The following CACNB4 variants were observed in gnomAD, a reference collection of about 807,000 sequenced individuals.
CACNB4 encodes the protein calcium voltage-gated channel auxiliary subunit beta 4, also known as voltage-dependent L-type calcium channel subunit beta-4.
In CACNB4, 32 loss-of-function variants were observed where a neutral mutation model predicts 71.2. The ratio of observed to expected loss-of-function variants is 0.45; its 90% CI spans 0.34 to 0.60. The LOEUF is 0.60. CACNB4 is among the 20% of genes least tolerant of loss of function. CACNB4 has a pLI of 0.01. For missense variants in CACNB4, 464 were observed against 647.9 expected (o/e 0.72, Z 3.08); for synonymous variants, 231 against 236.9 (o/e 0.97, Z 0.23).
At chr2:152,053,449 T>C (rs558679618) in intron 2 of CACNB4, among the ~76,000 whole-genome samples, 2 of 152,276 alleles carry the variant, frequency 1.3e-5, no homozygotes, top group Admixed American at 1.3e-4. Context: ...TGTTCGATTG[T>C]ATCCTTAAAA....
chr2:152,092,676 C>T (rs773532831), intron 2 of CACNB4, among the ~76,000 whole-genome samples: 2 of 151,820 alleles, frequency 1.3e-5, no homozygotes, highest in African/African-American at 2.4e-5. Flanking sequence ...TATCATTACA[C>T]GCAGGGTGGC....
chr2:152,054,397 G>C (rs1473268784), intron 2 of CACNB4, among the ~76,000 whole-genome samples: 1 of 147,578 alleles, frequency 6.8e-6, no homozygotes, highest in Non-Finnish European at 1.5e-5. Flanking sequence ...AAATAGTATT[G>C]TGTTGAGTGA....
At chr2:151,877,641 T>C (rs934867950) in intron 4 of CACNB4, among the ~76,000 whole-genome samples, 1 of 152,220 alleles carries the variant, frequency 6.6e-6, no homozygotes, top group African/African-American at 2.4e-5. Context: ...CTTTCAAATA[T>C]AGATTTGCAA....
intron 2 of CACNB4, among the ~76,000 whole-genome samples, chr2:152,085,708 T>G (rs575884351): frequency 6.6e-6 from 1 of 152,088 alleles, no homozygotes; most frequent in Non-Finnish European, 1.5e-5. Flanking sequence ...AAGACCACAG[T>G]TGTGGAGGGA....
intron 2 of CACNB4, among the ~76,000 whole-genome samples, chr2:151,955,958 TATAAA>T (rs1409448772): frequency 6.6e-6 from 1 of 151,706 alleles, no homozygotes; most frequent in Non-Finnish European, 1.5e-5. Flanking sequence ...ATTCAAAGTC[TATAAA>T]GTCTATAAAG....
At chr2:151,975,182 C>G (rs2099873562) in intron 2 of CACNB4, among the ~76,000 whole-genome samples, 1 of 152,222 alleles carries the variant, frequency 6.6e-6, no homozygotes, top group Admixed American at 6.5e-5. Context: ...AAGGCACTGG[C>G]TGCAGTTCAT....
chr2:152,069,714 T>G (rs1257053806), intron 2 of CACNB4, among the ~76,000 whole-genome samples: 1 of 151,926 alleles, frequency 6.6e-6, no homozygotes, highest in East Asian at 1.9e-4. Context: ...AATCACATAT[T>G]AAAAAGAGCC....
intron 2 of CACNB4, among the ~76,000 whole-genome samples, chr2:152,014,641 G>C (rs1450711906): frequency 6.6e-6 from 1 of 151,308 alleles, no homozygotes; most frequent in African/African-American, 2.4e-5. Context: ...TGAGGCAGGA[G>C]AATCGCTTGA....
intron 2 of CACNB4, among the ~76,000 whole-genome samples, chr2:151,951,848 A>T (rs1166752695): frequency 6.6e-6 from 1 of 152,166 alleles, no homozygotes; most frequent in Non-Finnish European, 1.5e-5. Context: ...TTCTGAGAGA[A>T]CTTTCTAGTA....
Position 151,911,007 on chromosome 2 carries a change from T to C in CACNB4, c.148-27637A>G, listed in dbSNP as rs189333900. 2.7e-3 allele frequency among the ~76,000 whole-genome samples: 416 copies of C among 152,330 alleles called. 2 individuals are homozygous for C. The highest frequency in any genetic ancestry group is 4.2e-3 in the Non-Finnish European group (289 of 68,026). On this transcript the variant is annotated intron_variant, in intron 2 of 13. Coordinates refer to ENST00000539935, the MANE Select transcript of CACNB4 (RefSeq NM_000726.5). ...TAGTTTGTAGTTCTCCTTGAAAAGG[T>C]TCTTCACATCCCTTGTCAGCTGTAT...
intron 2 of CACNB4, among the ~76,000 whole-genome samples, chr2:151,895,176 G>T (rs1418467260): frequency 2.0e-5 from 3 of 147,822 alleles, no homozygotes; most frequent in Non-Finnish European, 4.4e-5. Context: ...AAAGCTGGAG[G>T]CATCACAAAA....
At chr2:151,909,184 C>G (rs2099855546) in intron 2 of CACNB4, among the ~76,000 whole-genome samples, 1 of 150,092 alleles carries the variant, frequency 6.7e-6, no homozygotes, top group Non-Finnish European at 1.5e-5. Flanking sequence ...ATTCCCAGCA[C>G]TTTGGGAGGC....
chr2:152,082,223 TAA>T (rs1687395613), intron 2 of CACNB4, among the ~76,000 whole-genome samples: 1 of 152,232 alleles, frequency 6.6e-6, no homozygotes, highest in Non-Finnish European at 1.5e-5. Flanking sequence ...GAAAGAGTTA[TAA>T]ATTCCAGCTC....
chr2:151,842,204 T>C, intron 12 of CACNB4, 116 bp from the exon 13 acceptor site: 1 of 834,818 alleles, frequency 1.2e-6, no homozygotes, highest in Non-Finnish European at 1.9e-6. Flanking sequence ...AAAATCAAAT[T>C]TGAGGTGCTA....
At chr2:151,907,019 T>C (rs1422579404) in intron 2 of CACNB4, among the ~76,000 whole-genome samples, 7 of 152,238 alleles carry the variant, frequency 4.6e-5, no homozygotes, top group Admixed American at 1.3e-4. Flanking sequence ...TATTCCCCAC[T>C]AGCTTGTGTA....
intron 2 of CACNB4, among the ~76,000 whole-genome samples, chr2:152,059,406 C>T (rs1215892543): frequency 6.6e-6 from 1 of 152,242 alleles, no homozygotes; most frequent in Non-Finnish European, 1.5e-5. Flanking sequence ...TGGGAGCCCA[C>T]CTCTTGCAAT....
At position 151,855,267 on chromosome 2, in the gene CACNB4, G is replaced by C; in HGVS notation, c.977C>G (p.Ser326Cys). 6.3e-7 allele frequency: 1 copy of C among 1,574,898 alleles called. No homozygotes were observed. Among genetic ancestry groups the C allele is most frequent in the South Asian group, 1.1e-5 (1 of 87,248 alleles). Residue 326 changes from serine (S) to cysteine (C), a missense_variant, in exon 11 of 14, where the codon TCC becomes TGC. By Grantham distance (112) the Ser-to-Cys change is moderately radical. This residue lies in a region of CACNB4 where 299 missense variants were observed against 471.7 expected (regional missense o/e 0.63). Transcript: ENST00000539935. ...TACATGAACAATAATTGGTGCTAAG[G>C]AAGTCTTTATAAGTTGTGCTGGGTG... ...INHPAQLIKT[S>C]LAPIIVHVKV... is the part of the protein sequence containing the mutation.
intron 2 of CACNB4, among the ~76,000 whole-genome samples, chr2:152,075,076 C>A (rs1325797376): frequency 1.3e-5 from 2 of 152,182 alleles, no homozygotes; most frequent in East Asian, 1.9e-4. Context: ...AAAAGAAGAG[C>A]TACAGTGAGA....
intron 2 of CACNB4, among the ~76,000 whole-genome samples, chr2:151,990,818 A>G (rs919831376): frequency 6.6e-6 from 1 of 152,218 alleles, no homozygotes; most frequent in African/African-American, 2.4e-5. Flanking sequence ...GACTCTCCCA[A>G]GGAATGAGAG....
Sources: gnomAD v4.1 joint callset for allele counts (sites outside exome capture counted in the v4.1 genomes callset) on GRCh38, gnomAD v4.1.1 for gene constraint, gnomAD v4.1.1 regional missense constraint, MANE v1.5 for transcripts, NCBI Gene and HGNC (gene_info 2026-07-23, HGNC 2026-07-21) for gene names.